ZFTRAF1: variants seen among roughly 807,000 people sequenced by gnomAD.
The protein encoded by ZFTRAF1 is zinc finger TRAF-type-containing protein 1.
the ZFTRAF1 span, chr8:144,453,547 G>C: frequency 8.1e-7 from 1 of 1,228,272 alleles, no homozygotes; most frequent in Non-Finnish European, 1.1e-6. Flanking sequence ...CTCCAGCCAG[G>C]TGTCCTGAGG....
chr8:144,452,823 CCT>C, the ZFTRAF1 span, among the ~76,000 whole-genome samples: 18 of 152,354 alleles, frequency 1.2e-4, no homozygotes, highest in African/African-American at 3.8e-4. Flanking sequence ...GTGGTTCTCT[CCT>C]CTGTTTGGCA....
At chr8:144,453,313 C>T in the ZFTRAF1 span, 1 of 1,551,078 alleles carries the variant, frequency 6.4e-7, no homozygotes, top group Non-Finnish European at 8.7e-7. Flanking sequence ...AGCTCGCTCA[C>T]GGCTTTCTCC....
At chr8:144,462,133 C>A in the ZFTRAF1 span, 3 of 355,742 alleles carry the variant, frequency 8.4e-6, no homozygotes, top group Non-Finnish European at 1.5e-5. Flanking sequence ...TGGAGCCCCG[C>A]TGGGCGAGGA....
chr8:144,457,540 G>A, the ZFTRAF1 span: 2 of 152,138 alleles, frequency 1.3e-5, no homozygotes, highest in African/African-American at 4.8e-5. Context: ...AGGTGGCCCA[G>A]AAATGGCCAT....
chr8:144,454,631 G>A, the ZFTRAF1 span: 1 of 152,372 alleles, frequency 6.6e-6, no homozygotes, highest in East Asian at 1.9e-4. Context: ...GGACCCTCTT[G>A]AGAATGGGAT....
At chr8:144,452,623 A>T in the ZFTRAF1 span, 1 of 1,496,178 alleles carries the variant, frequency 6.7e-7, no homozygotes, top group Non-Finnish European at 8.9e-7. Context: ...AGGAGGCTGC[A>T]ACAAGCTGTC....
the ZFTRAF1 span, chr8:144,450,140 T>G: frequency 2.0e-6 from 1 of 511,954 alleles, no homozygotes; most frequent in Non-Finnish European, 3.6e-6. Context: ...CCGTCTCCTC[T>G]TCGGGTCAGC....
the ZFTRAF1 span, among the ~76,000 whole-genome samples, chr8:144,460,609 G>A: frequency 2.0e-5 from 3 of 152,234 alleles, no homozygotes; most frequent in Admixed American, 6.5e-5. Context: ...CTGGCCAAGC[G>A]CAGTGGCTCA....
At chr8:144,450,990 A>T in the ZFTRAF1 span, 1 of 556,842 alleles carries the variant, frequency 1.8e-6, no homozygotes, top group Non-Finnish European at 3.2e-6. Flanking sequence ...ATCAACATGG[A>T]TTAGCTGGAG....
chr8:144,459,864 G>C, the ZFTRAF1 span, among the ~76,000 whole-genome samples: 4 of 152,250 alleles, frequency 2.6e-5, no homozygotes, highest in Non-Finnish European at 5.9e-5. Context: ...CAGGAACAGA[G>C]GGTGGAACCT....
the ZFTRAF1 span, chr8:144,462,354 GT>G: frequency 2.0e-6 from 1 of 492,948 alleles, no homozygotes; most frequent in Non-Finnish European, 3.7e-6. Flanking sequence ...CGCTCCTCCA[GT>G]TTCCCGCTGC....
the ZFTRAF1 span, chr8:144,462,272 G>A: frequency 3.5e-6 from 2 of 567,038 alleles, no homozygotes; most frequent in South Asian, 1.9e-5. Context: ...GGGGTCGGCC[G>A]GCGGCCCTAC....
the ZFTRAF1 span, among the ~76,000 whole-genome samples, chr8:144,450,963 G>A: frequency 4.6e-5 from 7 of 152,134 alleles, no homozygotes; most frequent in Non-Finnish European, 8.8e-5. Flanking sequence ...GCTTTGAGGG[G>A]AACAACCACA....
At chr8:144,461,774 G>C in the ZFTRAF1 span, among the ~76,000 whole-genome samples, 1 of 152,334 alleles carries the variant, frequency 6.6e-6, no homozygotes, top group South Asian at 2.1e-4. Context: ...CCACCCAGGA[G>C]GGTAGAAAAG....
the ZFTRAF1 span, among the ~76,000 whole-genome samples, chr8:144,458,811 G>A: frequency 6.6e-6 from 1 of 152,224 alleles, no homozygotes; most frequent in Non-Finnish European, 1.5e-5. Context: ...CAGGGGCAGG[G>A]AGAGGACACC....
At chr8:144,450,405 G>A in the ZFTRAF1 span, 1 of 717,240 alleles carries the variant, frequency 1.4e-6, no homozygotes, top group Non-Finnish European at 2.6e-6. Context: ...AACAGGAAGA[G>A]CCGCAGGTTG....
At chr8:144,458,130 G>A in the ZFTRAF1 span, among the ~76,000 whole-genome samples, 2,293 of 152,330 alleles carry the variant, frequency 0.015, 30 homozygotes, top group Non-Finnish European at 0.024. Context: ...GAGAGGGACT[G>A]GCACGTTGTC....
the ZFTRAF1 span, chr8:144,453,720 T>C: frequency 4.7e-6 from 2 of 430,000 alleles, no homozygotes; most frequent in South Asian, 5.9e-5. Flanking sequence ...AGGTGACAGC[T>C]CGCCCTGGCA....
the ZFTRAF1 span, chr8:144,452,605 C>G: frequency 1.2e-4 from 180 of 1,520,408 alleles, no homozygotes; most frequent in Non-Finnish European, 1.5e-4. Context: ...ACAGACTGAG[C>G]CCCGAACAGG....
Sources: allele counts gnomAD v4.1 joint callset (sites outside exome capture counted in the v4.1 genomes callset), GRCh38; gene constraint gnomAD v4.1.1; transcripts MANE v1.5; gene names NCBI Gene and HGNC (gene_info 2026-07-23, HGNC 2026-07-21).